The following CSNK2A2IP variants were observed in gnomAD, a reference collection of about 807,000 sequenced individuals.
CSNK2A2IP encodes the protein casein kinase 2 subunit alpha' interacting protein.
the CSNK2A2IP span, among the ~76,000 whole-genome samples, chr3:88,374,153 A>T: frequency 6.6e-6 from 1 of 151,664 alleles, no homozygotes; most frequent in African/African-American, 2.4e-5. Flanking sequence ...GCTGGTTAAG[A>T]TCCTATTAAA....
chr3:88,454,275 T>G, the CSNK2A2IP span, among the ~76,000 whole-genome samples: 1 of 151,998 alleles, frequency 6.6e-6, no homozygotes, highest in Non-Finnish European at 1.5e-5. Context: ...ATTTGATTGC[T>G]TGCTTTCCTA....
chr3:88,390,207 C>A, the CSNK2A2IP span, among the ~76,000 whole-genome samples: 1 of 152,078 alleles, frequency 6.6e-6, no homozygotes, highest in East Asian at 1.9e-4. Flanking sequence ...AGACCTGATA[C>A]ACTTGAATGG....
chr3:88,398,908 T>C, the CSNK2A2IP span, among the ~76,000 whole-genome samples: 1 of 152,210 alleles, frequency 6.6e-6, no homozygotes, highest in Non-Finnish European at 1.5e-5. Flanking sequence ...GCTCAATAGA[T>C]ATCTGAGGAA....
chr3:88,356,384 C>G, the CSNK2A2IP span, among the ~76,000 whole-genome samples: 1 of 152,054 alleles, frequency 6.6e-6, no homozygotes, highest in Non-Finnish European at 1.5e-5. Context: ...TTTCACTTAG[C>G]ATAATGACCT....
At chr3:88,410,344 C>A in the CSNK2A2IP span, among the ~76,000 whole-genome samples, 1 of 151,924 alleles carries the variant, frequency 6.6e-6, no homozygotes, top group African/African-American at 2.4e-5. Context: ...GAGTCTGTTC[C>A]TTAAGGTATG....
the CSNK2A2IP span, among the ~76,000 whole-genome samples, chr3:88,338,956 G>A: frequency 4.6e-5 from 7 of 151,858 alleles, no homozygotes; most frequent in Non-Finnish European, 1.0e-4. Context: ...TTGTCTGTAT[G>A]TATGCGGTAC....
the CSNK2A2IP span, chr3:88,466,162 C>A: frequency 1.1e-5 from 14 of 1,231,622 alleles, no homozygotes; most frequent in Non-Finnish European, 1.3e-5. Flanking sequence ...TCAAATTGCT[C>A]TTACCTCTCC....
the CSNK2A2IP span, among the ~76,000 whole-genome samples, chr3:88,363,244 A>AT: frequency 6.6e-6 from 1 of 151,970 alleles, no homozygotes; most frequent in African/African-American, 2.4e-5. Flanking sequence ...AATTTTTCAT[A>AT]TTTTTTCTCT....
At chr3:88,383,674 T>G in the CSNK2A2IP span, among the ~76,000 whole-genome samples, 863 of 71,776 alleles carry the variant, frequency 0.012, 2 homozygotes, top group South Asian at 0.021. Context: ...TTTTTTTTTT[T>G]GGGACGGAGT....
At chr3:88,384,820 T>A in the CSNK2A2IP span, among the ~76,000 whole-genome samples, 1 of 152,026 alleles carries the variant, frequency 6.6e-6, no homozygotes, top group African/African-American at 2.4e-5. Context: ...TGGTATATAT[T>A]TGGGGGTAGA....
the CSNK2A2IP span, among the ~76,000 whole-genome samples, chr3:88,366,993 G>C: frequency 2.6e-5 from 4 of 151,998 alleles, no homozygotes; most frequent in African/African-American, 9.7e-5. Context: ...ACCATGAGAA[G>C]AGTATAGGGG....
the CSNK2A2IP span, among the ~76,000 whole-genome samples, chr3:88,428,263 T>C: frequency 6.6e-6 from 1 of 152,344 alleles, no homozygotes; most frequent in South Asian, 2.1e-4. Flanking sequence ...ACCTCCAATG[T>C]ATCTAGGAAG....
the CSNK2A2IP span, among the ~76,000 whole-genome samples, chr3:88,446,811 T>C: frequency 1.3e-5 from 2 of 152,290 alleles, no homozygotes; most frequent in South Asian, 4.1e-4. Flanking sequence ...GAGAAGAGAC[T>C]CAAGCTTTTT....
the CSNK2A2IP span, among the ~76,000 whole-genome samples, chr3:88,431,900 T>G: frequency 6.6e-6 from 1 of 152,302 alleles, no homozygotes; most frequent in South Asian, 2.1e-4. Context: ...GTCCTATTGA[T>G]AGTCTAAATT....
the CSNK2A2IP span, among the ~76,000 whole-genome samples, chr3:88,397,626 A>G: frequency 6.6e-6 from 1 of 152,152 alleles, no homozygotes; most frequent in Non-Finnish European, 1.5e-5. Flanking sequence ...ACTGAGGAAG[A>G]AAAATTGAAA....
At chr3:88,456,704 G>A in the CSNK2A2IP span, among the ~76,000 whole-genome samples, 7 of 144,002 alleles carry the variant, frequency 4.9e-5, no homozygotes, top group Admixed American at 2.1e-4. Context: ...AGAACCATTT[G>A]AAAATACTGA....
At chr3:88,376,601 G>A in the CSNK2A2IP span, among the ~76,000 whole-genome samples, 16 of 151,518 alleles carry the variant, frequency 1.1e-4, no homozygotes, top group African/African-American at 3.6e-4. Flanking sequence ...TTCAGTTACT[G>A]TTTACATTCA....
the CSNK2A2IP span, among the ~76,000 whole-genome samples, chr3:88,380,037 A>T: frequency 6.6e-6 from 1 of 152,130 alleles, no homozygotes; most frequent in Non-Finnish European, 1.5e-5. Context: ...GTAAAACTAA[A>T]AATGTTGTAA....
At chr3:88,349,799 T>A in the CSNK2A2IP span, among the ~76,000 whole-genome samples, 1 of 152,104 alleles carries the variant, frequency 6.6e-6, no homozygotes, top group African/African-American at 2.4e-5. Flanking sequence ...AACATCTATT[T>A]TTTTGTGTGT....
Sources: gnomAD v4.1 joint callset for allele counts (sites outside exome capture counted in the v4.1 genomes callset) on GRCh38, gnomAD v4.1.1 for gene constraint, MANE v1.5 for transcripts, NCBI Gene and HGNC (gene_info 2026-07-23, HGNC 2026-07-21) for gene names.